BRINP3: variants seen among roughly 807,000 people sequenced by gnomAD.
BRINP3 encodes BMP/retinoic acid inducible neural specific 3.
BRINP3 carries 19 observed loss-of-function variants against 71.0 expected under a neutral mutation model. The observed-to-expected ratio is 0.27, with a 90% CI of 0.19 to 0.39. BRINP3 has a LOEUF of 0.39. Ranked by LOEUF, BRINP3 falls within the 10% of genes least tolerant of loss-of-function variation. BRINP3 has a pLI of 1.00. For synonymous variants in BRINP3, 380 were observed against 337.7 expected, an observed-to-expected ratio of 1.13 and a Z score of -1.37; for missense variants, 959 against 940.8, an observed-to-expected ratio of 1.02 and a Z score of -0.25.
At chr1:190,127,695 A>G (rs10800905) in intron 7 of BRINP3, among the ~76,000 whole-genome samples, 143,742 of 151,898 alleles carry the variant, frequency 0.95, 68,095 homozygotes, top group East Asian at 1. Context: ...GACTTAGTAA[A>G]GATTGCACAT....
intron 2 of BRINP3, among the ~76,000 whole-genome samples, chr1:190,386,501 T>C (rs541316241): frequency 1.3e-5 from 2 of 152,078 alleles, no homozygotes; most frequent in East Asian, 3.9e-4. Context: ...AAATATATCA[T>C]TGAAAATATT....
chr1:190,205,036 C>G (rs537661991), intron 6 of BRINP3, among the ~76,000 whole-genome samples: 151 of 151,092 alleles, frequency 1.0e-3, no homozygotes, highest in African/African-American at 3.4e-3. Context: ...AACTTCTGAG[C>G]AGAATCTTCA....
chr1:190,239,436 T>C (rs1036786367), intron 4 of BRINP3, among the ~76,000 whole-genome samples: 3 of 152,016 alleles, frequency 2.0e-5, no homozygotes, highest in Admixed American at 6.6e-5. Context: ...TCCATTAATA[T>C]AAAGCTCAAA....
intron 2 of BRINP3, among the ~76,000 whole-genome samples, chr1:190,383,758 T>G (rs972642038): frequency 1.3e-5 from 2 of 152,006 alleles, no homozygotes; most frequent in Non-Finnish European, 2.9e-5. Flanking sequence ...GTAATAATGT[T>G]TGTGAAAAAA....
At chr1:190,332,525 A>G (rs1241832740) in intron 2 of BRINP3, among the ~76,000 whole-genome samples, 1 of 152,052 alleles carries the variant, frequency 6.6e-6, no homozygotes, top group Non-Finnish European at 1.5e-5. Flanking sequence ...ATGGTGGCCA[A>G]GCTGAAATAC....
intron 7 of BRINP3, among the ~76,000 whole-genome samples, chr1:190,148,429 TA>T (rs1656089008): frequency 6.6e-6 from 1 of 151,268 alleles, no homozygotes; most frequent in Non-Finnish European, 1.5e-5. Context: ...CCATCTCTAC[TA>T]AAAATACAAA....
intron 1 of BRINP3, chr1:190,474,687 C>G (rs532044303): frequency 1.3e-5 from 2 of 152,242 alleles, no homozygotes; most frequent in Non-Finnish European, 2.9e-5. Context: ...CGTTTCCCAG[C>G]AGAATTCCTG....
intron 2 of BRINP3, among the ~76,000 whole-genome samples, chr1:190,450,018 C>A (rs1233350198): frequency 1.3e-5 from 2 of 152,076 alleles, no homozygotes; most frequent in Non-Finnish European, 2.9e-5. Flanking sequence ...TTTTCTGCTT[C>A]TTTATTTTTT....
chr1:190,434,961 T>C (rs1674357904), intron 2 of BRINP3, among the ~76,000 whole-genome samples: 2 of 152,280 alleles, frequency 1.3e-5, no homozygotes, highest in Admixed American at 6.5e-5. Context: ...GACTTAACAG[T>C]ATAGTTTTCT....
intron 2 of BRINP3, among the ~76,000 whole-genome samples, chr1:190,442,837 G>T: frequency 6.7e-6 from 1 of 149,458 alleles, no homozygotes. Flanking sequence ...TGTAATTTTG[G>T]GTTTGAGGTA....
chr1:190,434,900 G>A (rs1674354057), intron 2 of BRINP3, among the ~76,000 whole-genome samples: 1 of 152,096 alleles, frequency 6.6e-6, no homozygotes, highest in Non-Finnish European at 1.5e-5. Flanking sequence ...TGCCCCTAAT[G>A]TAAAAATTCT....
intron 1 of BRINP3, among the ~76,000 whole-genome samples, chr1:190,457,638 T>C (rs1676090490): frequency 6.6e-6 from 1 of 152,122 alleles, no homozygotes; most frequent in Non-Finnish European, 1.5e-5. Flanking sequence ...GTGCCTACCA[T>C]ATGGTAAGGA....
chr1:190,221,755 A>C (rs1656911214), intron 6 of BRINP3, among the ~76,000 whole-genome samples: 1 of 152,158 alleles, frequency 6.6e-6, no homozygotes, highest in Non-Finnish European at 1.5e-5. Context: ...ACAAAGGAGC[A>C]GGAGTAGCTA....
At chr1:190,284,404 G>T (rs1663265028) in intron 2 of BRINP3, among the ~76,000 whole-genome samples, 1 of 151,918 alleles carries the variant, frequency 6.6e-6, no homozygotes, top group Non-Finnish European at 1.5e-5. Context: ...GAAAATCTAT[G>T]ACCTCGAGGG....
chr1:190,367,685 C>T (rs889087290), intron 2 of BRINP3, among the ~76,000 whole-genome samples: 1 of 152,142 alleles, frequency 6.6e-6, no homozygotes, highest in South Asian at 2.1e-4. Context: ...ACCAAATACC[C>T]TAAATCATTT....
In BRINP3 at chr1:190,283,403, C is replaced by G. The variant is rs181157412; in HGVS notation, c.237-1653G>C. ...GTGACCATACTTTGAATAAAACAAC[C>G]GATCTACATAATTTGCTATATTGTC... On this transcript the variant is annotated intron_variant, in intron 2 of 7. Coordinates refer to ENST00000367462, the MANE Select transcript of BRINP3 (RefSeq NM_199051.3). 4.6e-4 allele frequency among the ~76,000 whole-genome samples: 70 copies of G among 151,772 alleles called. 3 individuals carry two copies. The East Asian group carries it at 0.013, about 28-fold the overall frequency.
intron 6 of BRINP3, among the ~76,000 whole-genome samples, chr1:190,169,743 G>A (rs114575921): frequency 1.3e-5 from 2 of 152,164 alleles, no homozygotes; most frequent in South Asian, 2.1e-4. Flanking sequence ...CTGTGTTGAT[G>A]AAATTATATA....
chr1:190,223,782 TA>T (rs1269903048), intron 6 of BRINP3, among the ~76,000 whole-genome samples: 6 of 151,612 alleles, frequency 4.0e-5, no homozygotes, highest in Admixed American at 1.3e-4. Context: ...AAAACCTCAA[TA>T]AAAACAATGT....
chr1:190,127,594 C>T (rs989593026), intron 7 of BRINP3, among the ~76,000 whole-genome samples: 4 of 151,884 alleles, frequency 2.6e-5, no homozygotes, highest in African/African-American at 9.7e-5. Context: ...CATAGCTAAG[C>T]TCACACATCA....
Sources: allele counts gnomAD v4.1 joint callset (sites outside exome capture counted in the v4.1 genomes callset), GRCh38; gene constraint gnomAD v4.1.1; transcripts MANE v1.5; gene names NCBI Gene and HGNC (gene_info 2026-07-23, HGNC 2026-07-21).